HECTD4: variants seen among roughly 807,000 people sequenced by gnomAD.
HECTD4 encodes the protein probable E3 ubiquitin-protein ligase HECTD4.
A neutral mutation model predicts 471.5 loss-of-function variants in HECTD4; 114 were observed. That is an observed-to-expected ratio of 0.24 (90% confidence interval 0.21 to 0.28). The LOEUF (loss-of-function observed/expected upper bound fraction) is 0.28, where lower values mean the gene tolerates loss of function less well. HECTD4 is among the 10% of genes least tolerant of loss of function. The pLI, the probability that HECTD4 is intolerant of heterozygous loss-of-function variation, is 1.00. For missense variants in HECTD4, 3,866 were observed against 5,651.5 expected (o/e 0.68, Z 10.13); for synonymous variants, 2,012 against 2,256.0 (o/e 0.89, Z 3.07).
At chr12:112,372,958 A>C (rs1594084339) in intron 1 of HECTD4, among the ~76,000 whole-genome samples, 1 of 141,242 alleles carries the variant, frequency 7.1e-6, no homozygotes, top group African/African-American at 2.5e-5. Context: ...GAGTTTTGCC[A>C]TGTTGTCCAG....
Position 112,175,857 on chromosome 12 carries a change from G to T in HECTD4, c.11473C>A (p.Pro3825Thr). 6.2e-7 allele frequency: 1 copy of T among 1,613,336 alleles called. No homozygotes were observed. Among genetic ancestry groups the T allele is most frequent in the South Asian group, 1.1e-5 (1 of 90,954 alleles). Residue 3825 changes from proline to threonine, a missense_variant and splice_region_variant, in exon 66 of 76, where the codon CCT becomes ACT. This residue lies in a region of HECTD4 where 715 missense variants were observed against 1,087.6 expected (regional missense o/e 0.66). Transcript: ENST00000682272. ...TCCAGCGTCAGGTATTTTTCCTCAGGGACTGGTGGAAAGGGTTCAGTGTGA... is the reference window on the plus strand; with the variant it reads ...TCCAGCGTCAGGTATTTTTCCTCAGTGACTGGTGGAAAGGGTTCAGTGTGA... ...EKSPTKKQEVPEEKYLTLEGF... is the reference protein window; with the variant it reads ...EKSPTKKQEVTEEKYLTLEGF...
chr12:112,335,516 C>A (rs1566116025), intron 1 of HECTD4, among the ~76,000 whole-genome samples: 2 of 152,096 alleles, frequency 1.3e-5, no homozygotes, highest in Non-Finnish European at 2.9e-5. Context: ...CATGGTGAAA[C>A]CCTGTCTCTA....
chr12:112,290,866 A>AAAAAAAAAAAAAAAAAC, intron 7 of HECTD4, among the ~76,000 whole-genome samples: 1 of 149,570 alleles, frequency 6.7e-6, no homozygotes, highest in Admixed American at 6.7e-5. Context: ...AACAAAACAA[A>AAAAAAAAAAAAAAAAAC]AAAAAAAAAC....
At chr12:112,178,639 G>T (rs989236168) in intron 64 of HECTD4, among the ~76,000 whole-genome samples, 14 of 152,152 alleles carry the variant, frequency 9.2e-5, no homozygotes, top group Non-Finnish European at 1.8e-4. Flanking sequence ...AGACCAGCCT[G>T]GCCAACATGG....
chr12:112,178,405 A>C (rs1189349025), intron 64 of HECTD4, among the ~76,000 whole-genome samples: 1 of 152,234 alleles, frequency 6.6e-6, no homozygotes, highest in African/African-American at 2.4e-5. Context: ...GAACATTTTA[A>C]ATGTTGTCTT....
intron 52 of HECTD4, among the ~76,000 whole-genome samples, chr12:112,207,221 G>T (rs1483083915): frequency 1.3e-5 from 2 of 152,152 alleles, no homozygotes; most frequent in African/African-American, 4.8e-5. Flanking sequence ...TCGGCTCACT[G>T]CCGCTTCTGC....
At chr12:112,276,821 T>C (rs555690215) in intron 9 of HECTD4, among the ~76,000 whole-genome samples, 1 of 152,214 alleles carries the variant, frequency 6.6e-6, no homozygotes, top group South Asian at 2.1e-4. Context: ...AAATGGCCAA[T>C]AAGCACATGA....
At chr12:112,324,052 T>C (rs1452579737) in intron 1 of HECTD4, among the ~76,000 whole-genome samples, 4 of 67,326 alleles carry the variant, frequency 5.9e-5, no homozygotes, top group Non-Finnish European at 9.6e-5. Context: ...CTTCCTTTCT[T>C]TCTTTCTTTC....
intron 7 of HECTD4, among the ~76,000 whole-genome samples, chr12:112,288,496 C>A (rs76957512): frequency 0.11 from 17,297 of 151,878 alleles, 1,207 homozygotes; most frequent in East Asian, 0.23. Flanking sequence ...GTGGCATGAG[C>A]CTGTAGTCCC....
In HECTD4 at chr12:112,232,996, G is replaced by A; in HGVS notation, c.5997+8C>T. 1 of 1,606,916 alleles carries A rather than the reference G, an allele frequency of 6.2e-7. No individual in the cohort carries two copies. Among genetic ancestry groups the A allele is most frequent in the Non-Finnish European group, 8.5e-7 (1 of 1,175,840 alleles). On this transcript the variant is annotated splice_region_variant and intron_variant, in intron 38 of 75. Transcript: ENST00000682272. ...TCGGGTTTCATCGTTTTAACCTCAT[G>A]AGGTTACCTTGGTCATGTCTCGATC... is the stretch of plus-strand genomic sequence containing the variant.
chr12:112,349,684 T>C (rs941647296), intron 1 of HECTD4, among the ~76,000 whole-genome samples: 1 of 151,822 alleles, frequency 6.6e-6, no homozygotes, highest in East Asian at 1.9e-4. Flanking sequence ...AGTACAAATA[T>C]GGTGGTCAGC....
intron 7 of HECTD4, among the ~76,000 whole-genome samples, chr12:112,292,362 A>G (rs544186438): frequency 6.6e-6 from 1 of 152,292 alleles, no homozygotes; most frequent in South Asian, 2.1e-4. Flanking sequence ...CCTGATCATT[A>G]CCTAGAATAG....
chr12:112,304,679 A>T (rs1051169574), intron 7 of HECTD4, among the ~76,000 whole-genome samples: 2 of 126,820 alleles, frequency 1.6e-5, no homozygotes, highest in South Asian at 5.5e-4. Flanking sequence ...AAAACCAATT[A>T]AAAAAAAAAA....
intron 7 of HECTD4, chr12:112,301,896 T>TTCGAAA (rs1566104763): frequency 1.2e-5 from 12 of 1,038,476 alleles, no homozygotes; most frequent in Middle Eastern, 3.0e-4. Flanking sequence ...GCAAGTTCTT[T>TTCGAAA]AGCCTTTGCC....
Position 112,210,129 on chromosome 12 carries a change from G to A in HECTD4, c.7753C>T (p.Leu2585=), listed in dbSNP as rs762137769. ...AEEISANFEA[L]PFAMASDSDN... is the part of the protein sequence containing the mutation. ...CTGTCAGATGCCATGGCGAAAGGCA[G>A]GGCCTCAAAGTTAGCGCTGATCTCT... The change falls in exon 50 of 76, where the codon CTG becomes TTG. Residue 2585 remains leucine (L), a synonymous_variant. Transcript: ENST00000682272. The A allele has an allele frequency of 9.9e-6, 16 of 1,614,016 alleles. No homozygotes were observed. Among genetic ancestry groups the A allele is most frequent in the Non-Finnish European group, 1.4e-5 (16 of 1,179,898 alleles).
At chr12:112,316,152 G>A (rs1480947892) in intron 2 of HECTD4, among the ~76,000 whole-genome samples, 1 of 151,990 alleles carries the variant, frequency 6.6e-6, no homozygotes, top group Non-Finnish European at 1.5e-5. Context: ...TCACGTTCCA[G>A]AAACCCTGCC....
intron 7 of HECTD4, among the ~76,000 whole-genome samples, chr12:112,289,355 C>A (rs1278673745): frequency 1.1e-4 from 17 of 152,168 alleles, no homozygotes; most frequent in Admixed American, 3.9e-4. Context: ...TTTATAACAA[C>A]TAGTTATCTA....
intron 6 of HECTD4, among the ~76,000 whole-genome samples, chr12:112,306,800 T>C (rs1374727266): frequency 6.6e-6 from 1 of 152,040 alleles, no homozygotes; most frequent in Non-Finnish European, 1.5e-5. Context: ...GTAAAAAATA[T>C]AAAGGCCCAT....
chr12:112,304,942 G>T (rs1566105822), intron 7 of HECTD4, among the ~76,000 whole-genome samples: 1 of 151,944 alleles, frequency 6.6e-6, no homozygotes, highest in East Asian at 1.9e-4. Context: ...TTTTGTTTTT[G>T]TTTTTTTACA....
Sources: gnomAD v4.1 joint callset for allele counts (sites outside exome capture counted in the v4.1 genomes callset) on GRCh38, gnomAD v4.1.1 for gene constraint, gnomAD v4.1.1 regional missense constraint, MANE v1.5 for transcripts, NCBI Gene and HGNC (gene_info 2026-07-23, HGNC 2026-07-21) for gene names.